Variants in NMBR observed in about 807,000 individuals in gnomAD.
NMBR encodes the protein neuromedin-B receptor.
A neutral mutation model predicts 20.5 loss-of-function variants in NMBR; 16 were observed. The ratio of observed to expected loss-of-function variants is 0.78; its 90% confidence interval spans 0.53 to 1.19. The LOEUF (loss-of-function observed/expected upper bound fraction) is 1.19. Ranked by LOEUF, NMBR falls within the 50% of genes most tolerant of loss-of-function variation. The pLI is 0.00. For missense variants in NMBR, 582 were observed against 499.1 expected, an observed-to-expected ratio of 1.17 and a Z score of -1.58; for synonymous variants, 212 against 196.6, an observed-to-expected ratio of 1.08 and a Z score of -0.65.
chr6:142,086,131 G>A (rs1777195175), intron 2 of NMBR, among the ~76,000 whole-genome samples: 1 of 151,404 alleles, frequency 6.6e-6, no homozygotes, highest in Non-Finnish European at 1.5e-5. Context: ...TTGTAATAAT[G>A]TGGATTAATG....
At chr6:142,102,881 C>T (rs961643406) in intron 1 of NMBR, among the ~76,000 whole-genome samples, 1 of 152,120 alleles carries the variant, frequency 6.6e-6, no homozygotes, top group African/African-American at 2.4e-5. Context: ...TTCTATTGTT[C>T]AAAGAGACAT....
At chr6:142,131,651 C>T (rs1418014071) in intron 1 of NMBR, among the ~76,000 whole-genome samples, 1 of 152,126 alleles carries the variant, frequency 6.6e-6, no homozygotes, top group East Asian at 1.9e-4. Flanking sequence ...GATATTTTGG[C>T]CCACGTATGG....
chr6:142,090,366 T>C (rs1055147932), intron 1 of NMBR, among the ~76,000 whole-genome samples: 2 of 152,062 alleles, frequency 1.3e-5, no homozygotes, highest in African/African-American at 4.8e-5. Flanking sequence ...ATTAAGCAAC[T>C]TTTCCAGATA....
At chr6:142,089,349 A>AT (rs1777277822) in intron 1 of NMBR, 28 bp from the exon 2 acceptor site, 1 of 152,238 alleles carries the variant, frequency 6.6e-6, no homozygotes, top group Non-Finnish European at 1.5e-5. Context: ...GGGGAAAAAA[A>AT]TGAGTGCCAA....
intron 1 of NMBR, among the ~76,000 whole-genome samples, chr6:142,125,306 C>T (rs749166505): frequency 2.6e-5 from 4 of 151,856 alleles, no homozygotes; most frequent in Non-Finnish European, 4.4e-5. Context: ...ATAGAGATTA[C>T]TTCCCCTTGT....
chr6:142,128,569 T>C (rs1178787248), intron 1 of NMBR, among the ~76,000 whole-genome samples: 1 of 152,106 alleles, frequency 6.6e-6, no homozygotes, highest in Non-Finnish European at 1.5e-5. Context: ...TGAAAGGTTT[T>C]ATGAGGAATT....
chr6:142,142,221 C>T (rs1331520240), intron 1 of NMBR, among the ~76,000 whole-genome samples: 1 of 152,060 alleles, frequency 6.6e-6, no homozygotes, highest in Non-Finnish European at 1.5e-5. Context: ...TAAAGAAATG[C>T]CAGGCCCTGA....
At chr6:142,107,459 A>G (rs1374317584) in intron 1 of NMBR, among the ~76,000 whole-genome samples, 1 of 152,192 alleles carries the variant, frequency 6.6e-6, no homozygotes, top group Non-Finnish European at 1.5e-5. Context: ...AGAATCAAAG[A>G]GAATATTGCT....
chr6:142,128,559 T>C (rs1778081027), intron 1 of NMBR, among the ~76,000 whole-genome samples: 1 of 152,050 alleles, frequency 6.6e-6, no homozygotes, highest in South Asian at 2.1e-4. Context: ...CCTAATTAGT[T>C]GAAAGGTTTT....
chr6:142,115,512 G>T (rs1334408488), intron 1 of NMBR, among the ~76,000 whole-genome samples: 3 of 151,994 alleles, frequency 2.0e-5, no homozygotes, highest in African/African-American at 7.2e-5. Context: ...AATTAGGAAG[G>T]AAACAACAGA....
In NMBR at chr6:142,088,221, C is replaced by T. The variant is rs2114565993; in HGVS notation, c.422+16G>A. 6.2e-7 allele frequency: 1 copy of T among 1,603,138 alleles called. No individual in the cohort carries two copies. Among genetic ancestry groups the T allele is most frequent in the Non-Finnish European group, 8.5e-7 (1 of 1,177,018 alleles). On this transcript the variant is annotated intron_variant, in intron 2 of 3. Coordinates refer to ENST00000258042, the MANE Select transcript of NMBR (RefSeq NM_002511.4). ...CACGACTTTTCCAAGCCACTCACAG[C>T]TACCTGTGCTCTTACCTGTCGGCGC...
chr6:142,108,075 CAT>C, intron 1 of NMBR, among the ~76,000 whole-genome samples: 1 of 152,034 alleles, frequency 6.6e-6, no homozygotes, highest in South Asian at 2.1e-4. Flanking sequence ...AACAGAGCCT[CAT>C]AGACATGTAG....
At chr6:142,137,869 A>G (rs989963703) in intron 1 of NMBR, among the ~76,000 whole-genome samples, 2 of 152,032 alleles carry the variant, frequency 1.3e-5, no homozygotes, top group African/African-American at 4.8e-5. Flanking sequence ...TGGATATTCA[A>G]TCAGTTTTCT....
At chr6:142,123,258 A>T (rs992119461) in intron 1 of NMBR, among the ~76,000 whole-genome samples, 9 of 151,922 alleles carry the variant, frequency 5.9e-5, no homozygotes, top group Admixed American at 2.0e-4. Flanking sequence ...GAGGATTAGA[A>T]TTAGAAGTGG....
rs147371910 is a variant in NMBR at position 142,078,891 on chromosome 6, G to A, written c.435C>T (p.Ile145=). Residue 145 remains isoleucine, a synonymous_variant, in exon 3 of 4, where the codon ATC becomes ATT. Coordinates refer to ENST00000258042, the MANE Select transcript of NMBR (RefSeq NM_002511.4). ...TALSADRYRA[I]VNPMDMQTSG... Reference sequence around the variant, plus strand: ...ACGTCTGCATGTCCATGGGGTTAACGATGGCTCTGTACCTGGGAAAATGAT... The same window carrying A: ...ACGTCTGCATGTCCATGGGGTTAACAATGGCTCTGTACCTGGGAAAATGAT... The A allele has an allele frequency of 7.1e-5, 114 of 1,611,126 alleles. No individual in the cohort carries two copies. Among genetic ancestry groups the A allele is most frequent in the Non-Finnish European group, 7.9e-5 (93 of 1,178,456 alleles).
At chr6:142,094,273 T>C (rs1777398644) in intron 1 of NMBR, among the ~76,000 whole-genome samples, 1 of 152,184 alleles carries the variant, frequency 6.6e-6, no homozygotes, top group African/African-American at 2.4e-5. Flanking sequence ...CTAGGGTTTT[T>C]ATTGTTTTAG....
At position 142,110,426 on chromosome 6, in the gene NMBR, C is replaced by T. The variant is rs1374126271; in HGVS notation, c.-663-21105G>A. Among the ~76,000 whole-genome samples, 5 of 152,020 alleles carry T rather than the reference C, an allele frequency of 3.3e-5. No individual in the cohort carries two copies. The East Asian group carries it at 9.6e-4, about 29-fold the overall frequency. On this transcript the variant is annotated intron_variant, in intron 1 of 3. Transcript: ENST00000258042. ...TCAATAAGCAATAATATGGATGTAT[C>T]TTGAGAGTATTATGCTAAGTAAAAG...
intron 3 of NMBR, among the ~76,000 whole-genome samples, chr6:142,077,169 T>C (rs1357057996): frequency 1.3e-5 from 2 of 152,176 alleles, no homozygotes; most frequent in Non-Finnish European, 2.9e-5. Context: ...CACAGCAGTC[T>C]ATACTTGGAG....
intron 1 of NMBR, among the ~76,000 whole-genome samples, chr6:142,108,041 G>A (rs1400856794): frequency 6.6e-6 from 1 of 150,966 alleles, no homozygotes; most frequent in East Asian, 1.9e-4. Flanking sequence ...AAACAGAGAA[G>A]GAAAAAGAAA....
Sources: gnomAD v4.1 joint callset for allele counts (sites outside exome capture counted in the v4.1 genomes callset) on GRCh38, gnomAD v4.1.1 for gene constraint, MANE v1.5 for transcripts, NCBI Gene and HGNC (gene_info 2026-07-23, HGNC 2026-07-21) for gene names.